ANKS6: variants seen among roughly 807,000 people sequenced by gnomAD.
ANKS6 encodes ankyrin repeat and sterile alpha motif domain containing 6, also known as ankyrin repeat and SAM domain-containing protein 6.
ANKS6 carries 47 observed loss-of-function variants against 77.9 expected under a neutral mutation model. That is an observed-to-expected ratio of 0.60 (90% CI 0.48 to 0.77). ANKS6 has a LOEUF of 0.77. Among genes scored for constraint, ANKS6 ranks in the 30% least tolerant of loss-of-function variants. The pLI is 0.00. For synonymous variants in ANKS6, 488 were observed against 501.7 expected (o/e 0.97, Z 0.37); for missense variants, 1,150 against 1,159.1 (o/e 0.99, Z 0.11).
chr9:98,775,331 C>T (rs1313707389), intron 8 of ANKS6, among the ~76,000 whole-genome samples: 1 of 152,212 alleles, frequency 6.6e-6, no homozygotes, highest in Non-Finnish European at 1.5e-5. Context: ...GGACATTCAT[C>T]TGAGCTGTTA....
At chr9:98,772,392 G>A (rs1021524972) in intron 9 of ANKS6, among the ~76,000 whole-genome samples, 3 of 152,228 alleles carry the variant, frequency 2.0e-5, no homozygotes, top group Admixed American at 6.5e-5. Context: ...GGAGCCTCCC[G>A]AGGGAGCAGG....
intron 14 of ANKS6, among the ~76,000 whole-genome samples, chr9:98,743,277 C>T (rs1353928483): frequency 6.6e-6 from 1 of 151,942 alleles, no homozygotes; most frequent in Non-Finnish European, 1.5e-5. Flanking sequence ...CTCCCCCGCC[C>T]CACCATCACT....
intron 13 of ANKS6, among the ~76,000 whole-genome samples, chr9:98,749,880 G>A (rs1406615551): frequency 6.6e-6 from 1 of 152,170 alleles, no homozygotes; most frequent in Non-Finnish European, 1.5e-5. Flanking sequence ...TGATTGCTCT[G>A]CAATTGTGTC....
chr9:98,760,399 ACCCTCTAATCCTG>A (rs71369575), intron 11 of ANKS6, among the ~76,000 whole-genome samples: 145,022 of 152,042 alleles, frequency 0.95, 69,366 homozygotes, highest in Non-Finnish European at 0.97. Flanking sequence ...CTCTAATCCT[ACCCTCTAATCCTG>A]CCCTCTAATC....
chr9:98,796,153 G>T lies in ANKS6; in HGVS notation c.339C>A (p.Ser113Arg). 1 of 1,398,762 alleles carries T rather than the reference G, an allele frequency of 7.1e-7. No homozygotes were observed. The highest frequency in any genetic ancestry group is 9.3e-7 in the Non-Finnish European group (1 of 1,075,988). 86.6% of individuals were successfully genotyped at this position (1,398,762 alleles called of 1,614,324 possible). A position where few individuals can be genotyped will look rare whatever the true frequency, so the allele number is the denominator to read the frequency against. ...CTCACCTGGCCGCCTGCATGAGCGC[G>T]CTCCAGCCGTAGTGGTTGCGGCTGT... is the stretch of plus-strand genomic sequence containing the variant. ...SVNSRNHYGWSALMQAARFGH... is the reference protein window; with the variant it reads ...SVNSRNHYGWRALMQAARFGH... The change falls in exon 1 of 15, where the codon AGC becomes AGA. Residue 113 changes from serine to arginine, a missense_variant. By Grantham distance (110) the Ser-to-Arg change is moderately radical (BLOSUM62 -1). Transcript: ENST00000353234.
chr9:98,733,037 G>A lies in ANKS6; in HGVS notation c.*3482C>T. 1 of 841,212 alleles carries A rather than the reference G, an allele frequency of 1.2e-6. No individual in the cohort carries two copies. The highest frequency in any genetic ancestry group is 1.4e-6 in the Non-Finnish European group (1 of 693,116). 52.1% of individuals were successfully genotyped at this position (841,212 alleles called of 1,614,324 possible). On this transcript the variant is annotated 3_prime_UTR_variant, in exon 15 of 15. Transcript: ENST00000353234. ...CATCATCGATGACTTTCCCTGAGCT[G>A]TATACCCAGCAGGCTTCATCACCAC...
chr9:98,735,530 T>C lies in ANKS6; in HGVS notation c.*989A>G. The C allele has an allele frequency of 8.1e-7, 1 of 1,230,030 alleles. No individual in the cohort carries two copies. The highest frequency in any genetic ancestry group is 1.0e-6 in the Non-Finnish European group (1 of 987,466). The allele number at this position is 1,230,030 out of a possible 1,614,324, so 76.2% of individuals were successfully genotyped here. A position where few individuals can be genotyped will look rare whatever the true frequency, so the allele number is the denominator to read the frequency against. On this transcript the variant is annotated 3_prime_UTR_variant, in exon 15 of 15. Transcript: ENST00000353234. ...CAGCATTAATAGGATGTAGACAAAA[T>C]TCCAAATTTTCACTTCTTTGCCTAG...
chr9:98,736,453 GGCT>G lies in ANKS6; in HGVS notation c.*63_*65del. The G allele has an allele frequency of 4.6e-6, 7 of 1,521,382 alleles. No homozygotes were observed. Among genetic ancestry groups the G allele is most frequent in the Non-Finnish European group, 6.2e-6 (7 of 1,132,554 alleles). 94.2% of individuals were successfully genotyped at this position (1,521,382 alleles called of 1,614,324 possible). A position where few individuals can be genotyped will look rare whatever the true frequency, so the allele number is the denominator to read the frequency against. ...AGCAGTGTGACGGGGGCAGGGCTGG[GGCT>G]GTGGCCACGTGAAGGGGTCCCGGGA... On this transcript the variant is annotated 3_prime_UTR_variant, in exon 15 of 15. Coordinates refer to ENST00000353234, the MANE Select transcript of ANKS6 (RefSeq NM_173551.5).
rs560578951 is a variant in ANKS6 at position 98,733,325 on chromosome 9, C to T, written c.*3194G>A. ...CAGGGACTTGGACATCCAGCACTCACGACACACCAGCAAGACACTGCCTGG... is the reference window on the plus strand; with the variant it reads ...CAGGGACTTGGACATCCAGCACTCATGACACACCAGCAAGACACTGCCTGG... On this transcript the variant is annotated 3_prime_UTR_variant, in exon 15 of 15. Transcript: ENST00000353234. 122 of 985,394 alleles carry T rather than the reference C, an allele frequency of 1.2e-4. No homozygotes were observed. Among genetic ancestry groups the T allele is most frequent in the Non-Finnish European group, 1.4e-4 (119 of 830,002 alleles). 61.0% of individuals were successfully genotyped at this position (985,394 alleles called of 1,614,324 possible). A position where few individuals can be genotyped will look rare whatever the true frequency, so the allele number is the denominator to read the frequency against.
intron 14 of ANKS6, 147 bp downstream of exon 14, chr9:98,745,412 G>A: frequency 1.4e-6 from 1 of 737,542 alleles, no homozygotes; most frequent in Non-Finnish European, 2.3e-6. Context: ...TACGGGGGAA[G>A]TCCGAAAAGG....
chr9:98,750,654 C>T lies in ANKS6; in HGVS notation c.2394+375G>A, dbSNP rs568749562. On this transcript the variant is annotated intron_variant, in intron 13 of 14. Coordinates refer to ENST00000353234, the MANE Select transcript of ANKS6 (RefSeq NM_173551.5). Reference sequence around the variant, plus strand: ...CTGAATGCTTTTAAACACATAGCAACTCTCTCAGACCACCACTGACCCTAG... The same window carrying T: ...CTGAATGCTTTTAAACACATAGCAATTCTCTCAGACCACCACTGACCCTAG... Among the ~76,000 whole-genome samples, 5 of 152,248 alleles carry T rather than the reference C, an allele frequency of 3.3e-5. No homozygotes were observed. The South Asian group carries it at 1.0e-3, about 32-fold the overall frequency.
rs745551085 is a variant in ANKS6 at position 98,784,015 on chromosome 9, C to T, written c.1050G>A (p.Ala350=). The change falls in exon 4 of 15, where the codon GCG becomes GCA. Residue 350 remains alanine (A), a synonymous_variant. Transcript: ENST00000353234. ...GCACGCTGTCCTGCTTGTCAACATC[C>T]GCGTGCCTCTCCACCAGCAGCTGCA... The part of the protein sequence containing the change: ...ALVQLLVERH[A]DVDKQDSVHG... 11 of 1,610,906 alleles carry T rather than the reference C, an allele frequency of 6.8e-6. No homozygotes were observed. Among genetic ancestry groups the T allele is most frequent in the East Asian group, 4.5e-5 (2 of 44,740 alleles).
intron 10 of ANKS6, 47 bp from the exon 11 acceptor site, chr9:98,768,297 C>T: frequency 6.2e-7 from 1 of 1,606,628 alleles, no homozygotes; most frequent in Non-Finnish European, 8.5e-7. Context: ...AGAGGGCTTA[C>T]TCCAACACAA....
At chr9:98,789,929 C>G in intron 2 of ANKS6, 175 bp downstream of exon 2, 1 of 969,920 alleles carries the variant, frequency 1.0e-6, no homozygotes. Flanking sequence ...GGCCCAGAAC[C>G]TGCATGTCAC....
rs769832639 is a variant in ANKS6, at chr9:98,784,110, C to T, written c.955G>A (p.Val319Met). The change falls in exon 4 of 15, where the codon GTG becomes ATG. Residue 319 changes from valine to methionine, a missense_variant. Val to Met is a conservative substitution (Grantham distance 21). Transcript: ENST00000353234. ...GCCCCGTCCCCATTGACCAAGTTCA[C>T]GTGGCTGGGGTCTTCATCGGCAATC... ...KEIADEDPSHVNLVNGDGATP... is the reference protein window; with the variant it reads ...KEIADEDPSHMNLVNGDGATP... The T allele has an allele frequency of 1.3e-5, 20 of 1,578,758 alleles. No individual in the cohort carries two copies. The highest frequency in any genetic ancestry group is 1.7e-4 in the Middle Eastern group (1 of 5,966).
At chr9:98,776,399 CCT>C (rs1491487817) in intron 8 of ANKS6, among the ~76,000 whole-genome samples, 1 of 76,356 alleles carries the variant, frequency 1.3e-5, no homozygotes, top group African/African-American at 6.3e-5. Context: ...TGCCAAAAAC[CCT>C]TTTTTTTTTT....
At chr9:98,757,612 T>C (rs1277762916) in intron 11 of ANKS6, among the ~76,000 whole-genome samples, 2 of 152,102 alleles carry the variant, frequency 1.3e-5, no homozygotes, top group Non-Finnish European at 2.9e-5. Flanking sequence ...GTTTCTCCAT[T>C]ATAAAGTCAC....
intron 11 of ANKS6, among the ~76,000 whole-genome samples, chr9:98,767,008 C>T (rs1452966236): frequency 1.3e-5 from 2 of 152,188 alleles, no homozygotes; most frequent in African/African-American, 4.8e-5. Flanking sequence ...CCAGCTCACA[C>T]TCACGACTAG....
In ANKS6 at chr9:98,732,805, GGTTGCTTCT is replaced by G; in HGVS notation, c.*3705_*3713del. On this transcript the variant is annotated 3_prime_UTR_variant, in exon 15 of 15. Coordinates refer to ENST00000353234, the MANE Select transcript of ANKS6 (RefSeq NM_173551.5). ...GTCCAGTGCTCTTTCCAGGGTAACA[GGTTGCTTCT>G]ACTCATTTTAAAGGACTAAAAACAG... The G allele has an allele frequency of 1.5e-6, 2 of 1,328,308 alleles. No individual in the cohort carries two copies. The highest frequency in any genetic ancestry group is 1.9e-6 in the Non-Finnish European group (2 of 1,040,086). The allele number at this position is 1,328,308 out of a possible 1,614,324, so 82.3% of individuals were successfully genotyped here. A position where few individuals can be genotyped will look rare whatever the true frequency, so the allele number is the denominator to read the frequency against.
Sources: allele counts gnomAD v4.1 joint callset (sites outside exome capture counted in the v4.1 genomes callset), GRCh38; gene constraint gnomAD v4.1.1; transcripts MANE v1.5; gene names NCBI Gene and HGNC (gene_info 2026-07-23, HGNC 2026-07-21).